NAV3: variants seen among roughly 807,000 people sequenced by gnomAD.
NAV3 encodes the protein neuron navigator 3, also known as pore membrane and/or filament interacting like protein 1.
Under a neutral mutation model 244.7 loss-of-function variants are expected in NAV3, and 87 were observed. The ratio of observed to expected loss-of-function variants is 0.36; its 90% CI spans 0.30 to 0.42. The LOEUF is 0.42. Ranked by LOEUF, NAV3 falls within the 20% of genes least tolerant of loss-of-function variation. The pLI, the probability that NAV3 is intolerant of heterozygous loss-of-function variation, is 1.00. For synonymous variants in NAV3, 1,126 were observed against 1,042.2 expected (o/e 1.08, Z -1.55); for missense variants, 2,663 against 2,893.3 (o/e 0.92, Z 1.83).
intron 2 of NAV3, among the ~76,000 whole-genome samples, chr12:77,713,890 G>A (rs1351817083): frequency 6.6e-6 from 1 of 152,014 alleles, no homozygotes; most frequent in Non-Finnish European, 1.5e-5. Flanking sequence ...TATCATTTCT[G>A]AAATTAGGAA....
At chr12:77,724,555 G>C (rs149731452) in intron 2 of NAV3, among the ~76,000 whole-genome samples, 1 of 151,704 alleles carries the variant, frequency 6.6e-6, no homozygotes, top group East Asian at 1.9e-4. Context: ...TACTGTGTTT[G>C]CCACCAGAAG....
At chr12:77,700,826 C>T (rs1418783851) in intron 2 of NAV3, among the ~76,000 whole-genome samples, 1 of 151,796 alleles carries the variant, frequency 6.6e-6, no homozygotes, top group Non-Finnish European at 1.5e-5. Flanking sequence ...ACTTTTTATT[C>T]TATTAATATA....
At chr12:77,933,318 T>G (rs1889001617) in intron 1 of NAV3, among the ~76,000 whole-genome samples, 1 of 152,028 alleles carries the variant, frequency 6.6e-6, no homozygotes, top group Non-Finnish European at 1.5e-5. Flanking sequence ...CCCAGGGCAA[T>G]GATAGTAGCA....
At chr12:77,849,656 A>G (rs1231843169) in intron 1 of NAV3, among the ~76,000 whole-genome samples, 1 of 152,204 alleles carries the variant, frequency 6.6e-6, no homozygotes, top group Non-Finnish European at 1.5e-5. Context: ...CATTATGTAT[A>G]TGCAAAGATT....
In NAV3 at chr12:77,720,744, A is replaced by G. The variant is rs1876584240; in HGVS notation, c.72+148478A>G. ...AGGGAGTACAACACGTTTTTCTGCC[A>G]GCTTTGATGCAGTGGTTTCATGCTC... On this transcript the variant is annotated intron_variant, in intron 2 of 8. Transcript: ENST00000550042. Among the ~76,000 whole-genome samples the G allele has an allele frequency of 3.9e-5, 6 of 152,130 alleles. No individual in the cohort carries two copies. The South Asian group carries it at 1.2e-3, about 31-fold the overall frequency.
intron 24 of NAV3, among the ~76,000 whole-genome samples, chr12:78,174,794 C>T (rs1218983545): frequency 6.6e-6 from 1 of 151,890 alleles, no homozygotes. Flanking sequence ...GTTTCCTCAT[C>T]TGTGAGATTA....
intron 5 of NAV3, among the ~76,000 whole-genome samples, chr12:77,975,143 GA>G (rs1033626706): frequency 8.5e-5 from 13 of 152,054 alleles, no homozygotes; most frequent in Non-Finnish European, 1.5e-5. Flanking sequence ...AATTAGTTTA[GA>G]TTTTTTTAAT....
At chr12:77,996,331 C>T (rs759461049) in intron 6 of NAV3, among the ~76,000 whole-genome samples, 6 of 152,118 alleles carry the variant, frequency 3.9e-5, no homozygotes, top group Non-Finnish European at 7.4e-5. Context: ...TAGCATCTGT[C>T]GTTATTATGC....
intron 2 of NAV3, among the ~76,000 whole-genome samples, chr12:77,783,870 G>T (rs958894321): frequency 6.6e-6 from 1 of 152,068 alleles, no homozygotes; most frequent in Admixed American, 6.6e-5. Context: ...AATCATGCAG[G>T]GCTTAATTTC....
At chr12:77,632,229 C>T (rs1037583423) in intron 2 of NAV3, among the ~76,000 whole-genome samples, 1 of 152,120 alleles carries the variant, frequency 6.6e-6, no homozygotes, top group African/African-American at 2.4e-5. Flanking sequence ...AAAAATGAAG[C>T]ATGCTTTTGA....
intron 3 of NAV3, among the ~76,000 whole-genome samples, chr12:77,942,722 T>C (rs931775423): frequency 6.6e-6 from 1 of 152,200 alleles, no homozygotes; most frequent in African/African-American, 2.4e-5. Flanking sequence ...AAATGAACCT[T>C]AATTAGAATG....
chr12:77,577,065 C>A (rs1481702291), intron 2 of NAV3, among the ~76,000 whole-genome samples: 1 of 152,076 alleles, frequency 6.6e-6, no homozygotes, highest in Non-Finnish European at 1.5e-5. Context: ...GAAACATAGC[C>A]ATTTTATAAT....
chr12:77,874,818 G>A (rs1007579027), intron 1 of NAV3, among the ~76,000 whole-genome samples: 1 of 152,044 alleles, frequency 6.6e-6, no homozygotes, highest in African/African-American at 2.4e-5. Flanking sequence ...ATGAATCAAT[G>A]AATTAAGCAT....
chr12:77,659,832 G>A (rs908270475), intron 2 of NAV3, among the ~76,000 whole-genome samples: 1 of 151,986 alleles, frequency 6.6e-6, no homozygotes, highest in African/African-American at 2.4e-5. Flanking sequence ...AAACTGGAAA[G>A]CATCATTCTC....
intron 1 of NAV3, among the ~76,000 whole-genome samples, chr12:77,892,788 A>G (rs990500223): frequency 6.6e-6 from 1 of 152,170 alleles, no homozygotes; most frequent in East Asian, 1.9e-4. Context: ...GAACCTATTA[A>G]ACGTCATTTC....
At chr12:77,867,943 G>A (rs1880331102) in intron 1 of NAV3, among the ~76,000 whole-genome samples, 1 of 152,098 alleles carries the variant, frequency 6.6e-6, no homozygotes, top group Non-Finnish European at 1.5e-5. Flanking sequence ...AAATCACTAG[G>A]GAGGATTAGA....
Position 77,911,390 on chromosome 12 carries a change from C to T in NAV3, c.244-28929C>T, listed in dbSNP as rs149236487. Reference sequence around the variant, plus strand: ...AAGTAAATTTATAATGCACTTGATCCACCATGCCAGAAATGTTCAAGGTTT... The same window carrying T: ...AAGTAAATTTATAATGCACTTGATCTACCATGCCAGAAATGTTCAAGGTTT... On this transcript the variant is annotated intron_variant, in intron 1 of 39. Transcript: ENST00000397909. 3.5e-3 allele frequency among the ~76,000 whole-genome samples: 535 copies of T among 152,194 alleles called. 6 individuals are homozygous for T. The highest frequency in any genetic ancestry group is 0.012 in the African/African-American group (502 of 41,554).
intron 2 of NAV3, among the ~76,000 whole-genome samples, chr12:77,572,534 A>C (rs1018095332): frequency 3.9e-5 from 6 of 152,092 alleles, no homozygotes; most frequent in African/African-American, 1.4e-4. Context: ...GACCTGTTGA[A>C]CTGACCTCGT....
chr12:77,647,457 T>G (rs563557195), intron 2 of NAV3, among the ~76,000 whole-genome samples: 1 of 152,166 alleles, frequency 6.6e-6, no homozygotes, highest in Non-Finnish European at 1.5e-5. Context: ...GCATGCTTTT[T>G]TTTTGTTTTG....
Sources: gnomAD v4.1 joint callset for allele counts (sites outside exome capture counted in the v4.1 genomes callset) on GRCh38, gnomAD v4.1.1 for gene constraint, MANE v1.5 for transcripts, NCBI Gene and HGNC (gene_info 2026-07-23, HGNC 2026-07-21) for gene names.